NBEAL1: variants seen among roughly 807,000 people sequenced by gnomAD.
The protein encoded by NBEAL1 is neurobeachin-like protein 1.
A neutral mutation model predicts 351.3 loss-of-function variants in NBEAL1; 273 were observed. The observed-to-expected ratio is 0.78, with a 90% CI of 0.70 to 0.86. The LOEUF (loss-of-function observed/expected upper bound fraction) is 0.86. Ranked by LOEUF, NBEAL1 falls within the 40% of genes least tolerant of loss-of-function variation. The pLI, the probability that NBEAL1 is intolerant of heterozygous loss-of-function variation, is 0.00. For missense variants in NBEAL1, 2,961 were observed against 3,201.3 expected (o/e 0.92, Z 1.81); for synonymous variants, 1,050 against 1,086.4 (o/e 0.97, Z 0.66).
Position 203,183,043 on chromosome 2 carries a change from A to G in NBEAL1, c.6596-236A>G, listed in dbSNP as rs921878058. 1.0e-5 allele frequency: 3 copies of G among 286,090 alleles called. No homozygotes were observed. The East Asian group carries it at 1.9e-4, about 18-fold the overall frequency. 17.7% of individuals were successfully genotyped at this position (286,090 alleles called of 1,614,324 possible). A position where few individuals can be genotyped will look rare whatever the true frequency, so the allele number is the denominator to read the frequency against. On this transcript the variant is annotated intron_variant, in intron 43 of 55. Transcript: ENST00000683969. ...TCTGATTGAAATAAGGGTTGTAGCT[A>G]TAGTTTCCCCCACTTTTTTTGCTTA... is the stretch of plus-strand genomic sequence containing the variant.
At chr2:203,188,648 AT>A (rs2105767884) in intron 45 of NBEAL1, 59 bp downstream of exon 45, 1 of 947,892 alleles carries the variant, frequency 1.1e-6, no homozygotes, top group Non-Finnish European at 1.6e-6. Flanking sequence ...TGTTTAATAT[AT>A]GTTTACAGTT....
At chr2:203,097,015 T>C (rs1214031303) in intron 10 of NBEAL1, among the ~76,000 whole-genome samples, 5 of 152,216 alleles carry the variant, frequency 3.3e-5, no homozygotes, top group Admixed American at 3.3e-4. Context: ...TCACGGTTTC[T>C]TGTGGCTGAG....
At chr2:203,063,848 G>A (rs1239313741) in intron 6 of NBEAL1, among the ~76,000 whole-genome samples, 1 of 152,094 alleles carries the variant, frequency 6.6e-6, no homozygotes, top group Non-Finnish European at 1.5e-5. Flanking sequence ...TCATACCAGT[G>A]ATAGATAGAT....
chr2:203,115,987 C>A lies in NBEAL1; in HGVS notation c.2509C>A (p.Pro837Thr). The change falls in exon 18 of 56, where the codon CCA becomes ACA. Residue 837 changes from proline to threonine, a missense_variant and splice_region_variant. By Grantham distance (38) the Pro-to-Thr change is conservative. Transcript: ENST00000683969. ...ATGTGTGTGTAAATAATTTTCAGGTCCAAATTGTTTAAGCCCTTGGAAGTG... is the reference window on the plus strand; with the variant it reads ...ATGTGTGTGTAAATAATTTTCAGGTACAAATTGTTTAAGCCCTTGGAAGTG... ...PQVKALYLAG[P>T]NCLSPWKCQE... 6.4e-7 allele frequency: 1 copy of A among 1,550,694 alleles called. No individual in the cohort carries two copies. The highest frequency in any genetic ancestry group is 1.2e-5 in the South Asian group (1 of 84,018).
chr2:203,070,400 G>A lies in NBEAL1; in HGVS notation c.598+1925G>A, dbSNP rs181522513. Among the ~76,000 whole-genome samples, 219 of 104,402 alleles carry A rather than the reference G, an allele frequency of 2.1e-3. 1 individual carries two copies. The highest frequency in any genetic ancestry group is 0.011 in the Middle Eastern group (1 of 90). 68.5% of individuals were successfully genotyped at this position (104,402 alleles called of 152,430 possible). The stretch of plus-strand genomic sequence containing the variant: ...TTTTTGAGAAACAGGGTATTGCTCT[G>A]TTGTCCAGTCTGGAGTGCTATGGTA... On this transcript the variant is annotated intron_variant, in intron 7 of 55. Coordinates refer to ENST00000683969, the MANE Select transcript of NBEAL1 (RefSeq NM_001378026.1).
At position 203,222,812 on chromosome 2, in the gene NBEAL1, A is replaced by G. The variant is rs2065965904; in HGVS notation, c.*5458A>G. On this transcript the variant is annotated 3_prime_UTR_variant, in exon 56 of 56. Coordinates refer to ENST00000683969, the MANE Select transcript of NBEAL1 (RefSeq NM_001378026.1). The stretch of plus-strand genomic sequence containing the variant: ...AATAGAATTTTCCTAATTAAAAAGC[A>G]TTGGGTAAATTATCTACTACTTCCA... 2.0e-5 allele frequency among the ~76,000 whole-genome samples: 3 copies of G among 152,212 alleles called. No individual in the cohort carries two copies. The highest frequency in any genetic ancestry group is 7.2e-5 in the African/African-American group (3 of 41,472).
Position 203,125,378 on chromosome 2 carries a change from A to C in NBEAL1, c.2709A>C (p.Leu903Phe), listed in dbSNP as rs1305686862. ...ATATCATAAACTGCATAGGTGGGTT[A>C]AATGTACTCTTTCCTTTATTGGAAC... ...IKDIINCIGG[L>F]NVLFPLLEQI... is the part of the protein sequence containing the mutation. Residue 903 changes from leucine to phenylalanine, a missense_variant, in exon 20 of 56, where the codon TTA becomes TTC. Coordinates refer to ENST00000683969, the MANE Select transcript of NBEAL1 (RefSeq NM_001378026.1). The C allele has an allele frequency of 6.5e-7, 1 of 1,539,268 alleles. No homozygotes were observed.
chr2:203,165,036 T>A (rs2064091906), intron 36 of NBEAL1, among the ~76,000 whole-genome samples: 1 of 152,096 alleles, frequency 6.6e-6, no homozygotes, highest in African/African-American at 2.4e-5. Flanking sequence ...TAATTTTGTA[T>A]TTTTAGTAGA....
In NBEAL1 at chr2:203,125,956, A is replaced by T; in HGVS notation, c.2852-4A>T. On this transcript the variant is annotated splice_polypyrimidine_tract_variant and splice_region_variant and intron_variant, in intron 20 of 55. Transcript: ENST00000683969. ...TGATAATTAATATGTTCCTGATTCT[A>T]CAGAGTCAAGACTAGAGAGAAACCT... is the stretch of plus-strand genomic sequence containing the variant. 1 of 1,508,310 alleles carries T rather than the reference A, an allele frequency of 6.6e-7. No homozygotes were observed. The highest frequency in any genetic ancestry group is 8.8e-7 in the Non-Finnish European group (1 of 1,130,554). The allele number at this position is 1,508,310 out of a possible 1,614,324, so 93.4% of individuals were successfully genotyped here.
chr2:203,107,536 A>C lies in NBEAL1; in HGVS notation c.1368+18A>C. 2 of 1,540,840 alleles carry C rather than the reference A, an allele frequency of 1.3e-6. No homozygotes were observed. The highest frequency in any genetic ancestry group is 1.8e-6 in the Non-Finnish European group (2 of 1,140,500). ...TGAATATGGTGAGTTTATAACCTTTATTAAGAGAATTTCTGTTAATATCCA... is the reference window on the plus strand; with the variant it reads ...TGAATATGGTGAGTTTATAACCTTTCTTAAGAGAATTTCTGTTAATATCCA... On this transcript the variant is annotated intron_variant, in intron 13 of 55. Coordinates refer to ENST00000683969, the MANE Select transcript of NBEAL1 (RefSeq NM_001378026.1).
chr2:203,194,413 G>C (rs190083372), intron 47 of NBEAL1, among the ~76,000 whole-genome samples: 12 of 152,242 alleles, frequency 7.9e-5, no homozygotes, highest in African/African-American at 2.9e-4. Context: ...ATTATAAAAT[G>C]CATTCATACC....
At chr2:203,189,100 C>T (rs183377704) in intron 45 of NBEAL1, among the ~76,000 whole-genome samples, 8 of 152,144 alleles carry the variant, frequency 5.3e-5, no homozygotes, top group African/African-American at 1.7e-4. Flanking sequence ...TTTGCTATAC[C>T]GGATCCATTC....
chr2:203,112,146 C>T, intron 16 of NBEAL1, 48 bp downstream of exon 16: 1 of 1,512,400 alleles, frequency 6.6e-7, no homozygotes, highest in East Asian at 2.5e-5. Flanking sequence ...GTTGAGAATT[C>T]TTGAAATGTT....
chr2:203,132,154 C>A (rs751220468), intron 26 of NBEAL1, 22 bp downstream of exon 26: 1 of 1,341,192 alleles, frequency 7.5e-7, no homozygotes, highest in Non-Finnish European at 1.0e-6. Context: ...GCTAATAAAG[C>A]TAACATATTT....
chr2:203,217,707 TA>T lies in NBEAL1; in HGVS notation c.*356del. On this transcript the variant is annotated 3_prime_UTR_variant, in exon 56 of 56. Transcript: ENST00000683969. ...ATGGGACAGTTGAGAGAGATGGCTT[TA>T]AATACATTCTTAAGTAATCATTTTC... The T allele has an allele frequency of 1.0e-6, 1 of 970,650 alleles. No individual in the cohort carries two copies. Among genetic ancestry groups the T allele is most frequent in the Non-Finnish European group, 1.2e-6 (1 of 815,530 alleles). 60.1% of individuals were successfully genotyped at this position (970,650 alleles called of 1,614,324 possible).
chr2:203,127,831 G>A lies in NBEAL1; in HGVS notation c.3299G>A (p.Arg1100Lys), dbSNP rs2062977244. The A allele has an allele frequency of 1.3e-6, 2 of 1,533,540 alleles. No individual in the cohort carries two copies. Among genetic ancestry groups the A allele is most frequent in the Non-Finnish European group, 8.9e-7 (1 of 1,129,290 alleles). 95.0% of individuals were successfully genotyped at this position (1,533,540 alleles called of 1,614,324 possible). ...ELSLDDIRTI[R>K]TSLYGLIKYF... ...TCTCTAGATGATATTCGAACAATAA[G>A]GACTTCTTTGTATGGACTAATTAAA... The change falls in exon 24 of 56, where the codon AGG (arginine) becomes AAG (lysine). Residue 1100 changes from arginine to lysine, a missense_variant. By Grantham distance (26) the Arg-to-Lys change is conservative. Coordinates refer to ENST00000683969, the MANE Select transcript of NBEAL1 (RefSeq NM_001378026.1).
intron 6 of NBEAL1, among the ~76,000 whole-genome samples, chr2:203,060,223 T>C (rs536217882): frequency 6.6e-6 from 1 of 152,254 alleles, no homozygotes; most frequent in Non-Finnish European, 1.5e-5. Flanking sequence ...AGAGAAGATT[T>C]ATAAAAAGGC....
intron 44 of NBEAL1, among the ~76,000 whole-genome samples, chr2:203,187,102 G>A (rs919620289): frequency 6.6e-6 from 1 of 152,142 alleles, no homozygotes; most frequent in African/African-American, 2.4e-5. Context: ...ACTGAGAAAT[G>A]TCCCCCGGCT....
chr2:203,209,050 C>T, intron 52 of NBEAL1, 111 bp from the exon 53 acceptor site: 3 of 845,596 alleles, frequency 3.5e-6, no homozygotes, highest in Non-Finnish European at 5.4e-6. Flanking sequence ...ATGGAATAAT[C>T]ATTTTCTTGG....
Sources: allele counts gnomAD v4.1 joint callset (sites outside exome capture counted in the v4.1 genomes callset), GRCh38; gene constraint gnomAD v4.1.1; transcripts MANE v1.5; gene names NCBI Gene and HGNC (gene_info 2026-07-23, HGNC 2026-07-21).